TSHZ3: variants seen among roughly 807,000 people sequenced by gnomAD.
TSHZ3 encodes teashirt zinc finger homeobox 3.
A neutral mutation model predicts 64.5 loss-of-function variants in TSHZ3; 10 were observed. The observed-to-expected ratio is 0.16, with a 90% CI of 0.10 to 0.26. The LOEUF (loss-of-function observed/expected upper bound fraction) is 0.26, where lower values mean the gene tolerates loss of function less well. TSHZ3 is among the 10% of genes least tolerant of loss of function. The pLI is 1.00. For synonymous variants in TSHZ3, 608 were observed against 593.1 expected, an observed-to-expected ratio of 1.03 and a Z score of -0.36; for missense variants, 1,242 against 1,421.7, an observed-to-expected ratio of 0.87 and a Z score of 2.03.
At chr19:31,334,231 C>T (rs966110113) in intron 1 of TSHZ3, among the ~76,000 whole-genome samples, 2 of 152,090 alleles carry the variant, frequency 1.3e-5, no homozygotes, top group Non-Finnish European at 2.9e-5. Context: ...ATAACACCAC[C>T]GCAGCCTCAT....
downstream of TSHZ3, among the ~76,000 whole-genome samples, chr19:31,274,138 T>G (rs1976185473): frequency 6.6e-6 from 1 of 152,022 alleles, no homozygotes; most frequent in South Asian, 2.1e-4. Context: ...AATATGTGTT[T>G]TTTTTTTTAA....
downstream of TSHZ3, among the ~76,000 whole-genome samples, chr19:31,272,191 T>C (rs1488705362): frequency 2.0e-5 from 3 of 152,214 alleles, no homozygotes; most frequent in African/African-American, 7.2e-5. Flanking sequence ...CACGGGTTTC[T>C]GTCTTCAGAA....
intron 1 of TSHZ3, among the ~76,000 whole-genome samples, chr19:31,313,475 G>A (rs1026375638): frequency 1.8e-4 from 27 of 152,196 alleles, no homozygotes; most frequent in African/African-American, 4.1e-4. Flanking sequence ...TGCCTGCCAC[G>A]TGCGGATGTG....
At chr19:31,243,886 G>A (rs1270354755) in intron 1 of TSHZ3, among the ~76,000 whole-genome samples, 6 of 152,182 alleles carry the variant, frequency 3.9e-5, no homozygotes, top group African/African-American at 2.4e-5. Context: ...ACACTTGGAG[G>A]AGGGCGGTTT....
At chr19:31,231,954 T>C (rs1233589161) in intron 3 of TSHZ3, among the ~76,000 whole-genome samples, 2 of 152,154 alleles carry the variant, frequency 1.3e-5, no homozygotes, top group Admixed American at 6.5e-5. Flanking sequence ...TGATTGGGTA[T>C]CTGTAATGCT....
rs977711130 is a variant in TSHZ3, at chr19:31,229,644, A to G, written n.551-1504T>C. On this transcript the variant is annotated intron_variant and non_coding_transcript_variant, in intron 3 of 6. Transcript: ENST00000651361. ...GATGAAATTGATCACATGTAAATTCAAATATTCTGCCATAACTATATCTAA... is the reference window on the plus strand; with the variant it reads ...GATGAAATTGATCACATGTAAATTCGAATATTCTGCCATAACTATATCTAA... Among the ~76,000 whole-genome samples, 4 of 152,228 alleles carry G rather than the reference A, an allele frequency of 2.6e-5. No individual in the cohort carries two copies. In the South Asian group the frequency reaches 8.3e-4, roughly 31 times the overall value.
At chr19:31,349,054 C>T in intron 1 of TSHZ3, 126 bp downstream of exon 1, 1 of 1,244,974 alleles carries the variant, frequency 8.0e-7, no homozygotes, top group Non-Finnish European at 1.1e-6. Flanking sequence ...AACAGGAGAG[C>T]GGCGCCCGGA....
chr19:31,196,939 A>G (rs1343492138), intron 5 of TSHZ3, among the ~76,000 whole-genome samples: 2 of 152,024 alleles, frequency 1.3e-5, no homozygotes, highest in Non-Finnish European at 2.9e-5. Flanking sequence ...GTTGAGCTCA[A>G]CACCACCATC....
At chr19:31,290,024 T>C (rs1319363837) in intron 1 of TSHZ3, among the ~76,000 whole-genome samples, 1 of 152,142 alleles carries the variant, frequency 6.6e-6, no homozygotes, top group Admixed American at 6.5e-5. Flanking sequence ...TGTACAAACG[T>C]GCTGCACACC....
chr19:31,271,764 C>A (rs1056623258), downstream of TSHZ3, among the ~76,000 whole-genome samples: 1 of 152,160 alleles, frequency 6.6e-6, no homozygotes, highest in African/African-American at 2.4e-5. Context: ...CACGTGCTCA[C>A]TAATAAATCC....
chr19:31,321,428 C>T (rs1312185866), intron 1 of TSHZ3, among the ~76,000 whole-genome samples: 1 of 152,202 alleles, frequency 6.6e-6, no homozygotes, highest in Non-Finnish European at 1.5e-5. Context: ...GAGACCGTTC[C>T]CCGTTGTTTT....
At chr19:31,237,569 G>A (rs766437954) in intron 3 of TSHZ3, among the ~76,000 whole-genome samples, 2 of 151,670 alleles carry the variant, frequency 1.3e-5, no homozygotes, top group Non-Finnish European at 2.9e-5. Context: ...TTACGGCTTT[G>A]TTAATTTTCC....
intron 5 of TSHZ3, among the ~76,000 whole-genome samples, chr19:31,168,191 C>T (rs917130940): frequency 3.9e-5 from 6 of 151,922 alleles, no homozygotes; most frequent in African/African-American, 1.5e-4. Flanking sequence ...TTATGCATGC[C>T]ATTGTTGCTG....
At chr19:31,311,636 G>A (rs1201406335) in intron 1 of TSHZ3, among the ~76,000 whole-genome samples, 4 of 152,182 alleles carry the variant, frequency 2.6e-5, no homozygotes, top group African/African-American at 9.7e-5. Flanking sequence ...AGGGGGCATG[G>A]GTGGAACATG....
chr19:31,153,569 G>A (rs759702664), intron 6 of TSHZ3, among the ~76,000 whole-genome samples: 12 of 152,178 alleles, frequency 7.9e-5, no homozygotes, highest in East Asian at 1.9e-4. Context: ...CACATACCAC[G>A]TAGTTGCTAT....
rs1317853834 is a variant in TSHZ3 at position 31,275,181 on chromosome 19, C to T, written c.*1366G>A. Reference sequence around the variant, plus strand: ...GAATCACTTGGAGAGCCGGTAACCACGGGTTACCTTTCATAAGCCTAAAGA... The same window carrying T: ...GAATCACTTGGAGAGCCGGTAACCATGGGTTACCTTTCATAAGCCTAAAGA... On this transcript the variant is annotated 3_prime_UTR_variant, in exon 2 of 2. Transcript: ENST00000240587. 1.3e-5 allele frequency: 2 copies of T among 152,524 alleles called. No individual in the cohort carries two copies. The highest frequency in any genetic ancestry group is 6.5e-5 in the Admixed American group (1 of 15,274). 9.4% of individuals were successfully genotyped at this position (152,524 alleles called of 1,614,324 possible).
At chr19:31,350,245 C>G (rs2145210241), upstream of TSHZ3, among the ~76,000 whole-genome samples, 1 of 149,936 alleles carries the variant, frequency 6.7e-6, no homozygotes, top group Non-Finnish European at 1.5e-5. Flanking sequence ...TGGGGGCAGC[C>G]CTCAGACCCC....
At chr19:31,239,534 G>C (rs1975662525) in intron 3 of TSHZ3, among the ~76,000 whole-genome samples, 2 of 151,818 alleles carry the variant, frequency 1.3e-5, no homozygotes, top group African/African-American at 2.4e-5. Context: ...AGCTATTTTT[G>C]CTGGATATAG....
intron 3 of TSHZ3, among the ~76,000 whole-genome samples, chr19:31,235,627 C>A (rs993487073): frequency 2.5e-5 from 3 of 119,288 alleles, no homozygotes; most frequent in Non-Finnish European, 5.1e-5. Context: ...CTCTTTCTTT[C>A]TTTCCTCTTT....
Sources: allele counts gnomAD v4.1 joint callset (sites outside exome capture counted in the v4.1 genomes callset), GRCh38; gene constraint gnomAD v4.1.1; transcripts MANE v1.5; gene names NCBI Gene and HGNC (gene_info 2026-07-23, HGNC 2026-07-21).